The following EYS variants were observed in gnomAD, a reference collection of about 807,000 sequenced individuals.
EYS encodes protein eyes shut homolog.
A neutral mutation model predicts 282.1 loss-of-function variants in EYS; 250 were observed. The observed-to-expected ratio is 0.89, with a 90% CI of 0.80 to 0.98. The LOEUF is 0.98. Among genes scored for constraint, EYS ranks in the 50% least tolerant of loss-of-function variants. The pLI, the probability that EYS is intolerant of heterozygous loss-of-function variation, is 0.00. For missense variants in EYS, 4,016 were observed against 3,709.0 expected, an observed-to-expected ratio of 1.08 and a Z score of -2.15; for synonymous variants, 1,355 against 1,282.9, an observed-to-expected ratio of 1.06 and a Z score of -1.20.
rs34778588 is a variant in EYS at position 64,800,567 on chromosome 6, CTT to C, written c.3443+12809_3443+12810del. 2.6e-3 allele frequency among the ~76,000 whole-genome samples: 371 copies of C among 145,386 alleles called. 1 individual carries two copies. Among genetic ancestry groups the C allele is most frequent in the South Asian group, 0.016 (73 of 4,588 alleles). ...ATCTAATTTTTTTTTCCAAAGGAAG[CTT>C]TTTTTTTTTTTAAAGTTTAGTCTTG... On this transcript the variant is annotated intron_variant, in intron 22 of 42. Coordinates refer to ENST00000503581, the MANE Select transcript of EYS (RefSeq NM_001142800.2).
At chr6:64,979,933 A>G (rs950802177) in intron 14 of EYS, among the ~76,000 whole-genome samples, 6 of 151,598 alleles carry the variant, frequency 4.0e-5, no homozygotes, top group African/African-American at 7.2e-5. Context: ...AATATTTTCA[A>G]CATTATTCTG....
chr6:65,029,928 G>A (rs72877828), intron 13 of EYS, among the ~76,000 whole-genome samples: 8,365 of 152,112 alleles, frequency 0.055, 292 homozygotes, highest in East Asian at 0.13. Context: ...ACAAATAAGC[G>A]AGGATGGCCC....
intron 26 of EYS, among the ~76,000 whole-genome samples, chr6:64,528,945 T>G (rs777001792): frequency 3.3e-5 from 5 of 151,980 alleles, no homozygotes; most frequent in Non-Finnish European, 5.9e-5. Flanking sequence ...ATAATTTTCT[T>G]ATATTACAAT....
At chr6:65,187,108 T>C (rs1765533982) in intron 12 of EYS, among the ~76,000 whole-genome samples, 2 of 151,772 alleles carry the variant, frequency 1.3e-5, no homozygotes. Flanking sequence ...TTTTAAAGTG[T>C]TATTTAAACA....
chr6:63,916,162 C>A (rs1156344819), intron 35 of EYS, among the ~76,000 whole-genome samples: 3 of 152,202 alleles, frequency 2.0e-5, no homozygotes, highest in Non-Finnish European at 4.4e-5. Context: ...CAACATTCAG[C>A]AACCACTATC....
intron 26 of EYS, among the ~76,000 whole-genome samples, chr6:64,583,261 A>G (rs1176788494): frequency 6.6e-6 from 1 of 152,140 alleles, no homozygotes; most frequent in Non-Finnish European, 1.5e-5. Context: ...ATGTAAATAT[A>G]GGAATGAGGA....
chr6:65,443,061 T>C (rs1269530146), intron 5 of EYS, among the ~76,000 whole-genome samples: 3 of 151,720 alleles, frequency 2.0e-5, no homozygotes, highest in Non-Finnish European at 2.9e-5. Flanking sequence ...AGCATGCATA[T>C]ATGTGATATG....
chr6:64,867,771 G>A (rs1236286023), intron 19 of EYS, among the ~76,000 whole-genome samples: 1 of 151,622 alleles, frequency 6.6e-6, no homozygotes, highest in Non-Finnish European at 1.5e-5. Context: ...CCAAGTCTAT[G>A]TTAGAAAGCC....
intron 1 of EYS, among the ~76,000 whole-genome samples, chr6:65,688,692 C>A (rs1582604985): frequency 6.6e-6 from 1 of 152,094 alleles, no homozygotes; most frequent in African/African-American, 2.4e-5. Flanking sequence ...AAACAAACAA[C>A]CCCATCAACA....
intron 28 of EYS, among the ~76,000 whole-genome samples, chr6:64,407,220 T>C (rs1773745236): frequency 6.6e-6 from 1 of 151,990 alleles, no homozygotes; most frequent in African/African-American, 2.4e-5. Flanking sequence ...ACACTGCATG[T>C]TCTCACTCAT....
intron 15 of EYS, among the ~76,000 whole-genome samples, chr6:64,913,502 T>C (rs1403471121): frequency 1.3e-5 from 2 of 152,232 alleles, no homozygotes; most frequent in East Asian, 3.9e-4. Flanking sequence ...AGTGAGAAAA[T>C]ATGATATTAG....
chr6:64,988,764 T>G (rs925161896), intron 14 of EYS, among the ~76,000 whole-genome samples: 18 of 151,676 alleles, frequency 1.2e-4, no homozygotes, highest in African/African-American at 4.3e-4. Context: ...ATAGGTATTT[T>G]ATTTTGTACT....
intron 12 of EYS, among the ~76,000 whole-genome samples, chr6:65,144,300 T>C (rs1356762249): frequency 6.6e-6 from 1 of 152,176 alleles, no homozygotes; most frequent in Non-Finnish European, 1.5e-5. Flanking sequence ...CTATGCTACG[T>C]AATTTCTTAG....
intron 36 of EYS, among the ~76,000 whole-genome samples, chr6:63,861,661 T>C (rs1347753963): frequency 6.6e-6 from 1 of 152,268 alleles, no homozygotes; most frequent in East Asian, 1.9e-4. Flanking sequence ...TAACTGCCAA[T>C]GTGATGGTAT....
intron 19 of EYS, among the ~76,000 whole-genome samples, chr6:64,862,305 G>C (rs533050914): frequency 6.6e-6 from 1 of 152,236 alleles, no homozygotes; most frequent in Admixed American, 6.5e-5. Context: ...GGTTTCTCTA[G>C]TTTTGTGTAT....
At chr6:63,772,179 G>A (rs1352974168) in intron 40 of EYS, among the ~76,000 whole-genome samples, 1 of 144,046 alleles carries the variant, frequency 6.9e-6, no homozygotes, top group East Asian at 2.0e-4. Flanking sequence ...TTTTTTTTTT[G>A]AGGTGGAGTC....
At chr6:64,092,045 T>C (rs1053207055) in intron 31 of EYS, among the ~76,000 whole-genome samples, 1 of 152,194 alleles carries the variant, frequency 6.6e-6, no homozygotes, top group Non-Finnish European at 1.5e-5. Context: ...AATGATGGTT[T>C]CCAAACTCAT....
At chr6:64,659,886 T>C (rs557753744) in intron 22 of EYS, among the ~76,000 whole-genome samples, 1 of 152,326 alleles carries the variant, frequency 6.6e-6, no homozygotes, top group Admixed American at 6.5e-5. Context: ...ACTCATTTTA[T>C]GAGGCCAGCA....
intron 33 of EYS, among the ~76,000 whole-genome samples, chr6:64,058,663 T>C (rs1771064772): frequency 6.6e-6 from 1 of 152,192 alleles, no homozygotes; most frequent in African/African-American, 2.4e-5. Context: ...CCCCCATCAA[T>C]TATTGCTATT....
Sources: allele counts gnomAD v4.1 joint callset (sites outside exome capture counted in the v4.1 genomes callset), GRCh38; gene constraint gnomAD v4.1.1; transcripts MANE v1.5; gene names NCBI Gene and HGNC (gene_info 2026-07-23, HGNC 2026-07-21).